GAB1: variants seen among roughly 807,000 people sequenced by gnomAD.
GAB1 encodes GRB2 associated binding protein 1.
GAB1 carries 19 observed loss-of-function variants against 66.5 expected under a neutral mutation model. The observed-to-expected ratio is 0.29, with a 90% CI of 0.20 to 0.42. The LOEUF is 0.42. Ranked by LOEUF, GAB1 falls within the 10% of genes least tolerant of loss-of-function variation. The pLI is 1.00. For missense variants in GAB1, 732 were observed against 858.5 expected, an observed-to-expected ratio of 0.85 and a Z score of 1.84; for synonymous variants, 294 against 301.4, an observed-to-expected ratio of 0.98 and a Z score of 0.25.
In GAB1 at chr4:143,466,141, C is replaced by A; in HGVS notation, c.1842C>A (p.Ser614Arg). ...GTAACAGTCTTGATGGAGGAAGCAG[C>A]CCTATGATCAAGCCCAAAGGAGACA... Reference protein sequence around the residue: ...FGSNSLDGGSSPMIKPKGDKQ... With the variant: ...FGSNSLDGGSRPMIKPKGDKQ... The change falls in exon 9 of 10, where the codon AGC becomes AGA. Residue 614 changes from serine (S) to arginine (R), a missense_variant. By Grantham distance (110) the Ser-to-Arg change is moderately radical (BLOSUM62 -1). Transcript: ENST00000262994. 1 of 1,613,652 alleles carries A rather than the reference C, an allele frequency of 6.2e-7. No homozygotes were observed. Among genetic ancestry groups the A allele is most frequent in the Non-Finnish European group, 8.5e-7 (1 of 1,179,684 alleles).
At chr4:143,373,645 A>G (rs1581240110) in intron 1 of GAB1, among the ~76,000 whole-genome samples, 1 of 151,950 alleles carries the variant, frequency 6.6e-6, no homozygotes, top group Non-Finnish European at 1.5e-5. Context: ...CCTGGGCAAC[A>G]TGGCAAAAAT....
intron 2 of GAB1, among the ~76,000 whole-genome samples, chr4:143,423,831 TATATATG>T: frequency 9.2e-6 from 1 of 108,836 alleles, no homozygotes; most frequent in African/African-American, 3.6e-5. Flanking sequence ...TATATATATA[TATATATG>T]TCTTCACGTG....
chr4:143,337,266 T>G lies in GAB1; in HGVS notation c.72+6T>G. On this transcript the variant is annotated splice_donor_region_variant and intron_variant, in intron 1 of 9. Coordinates refer to ENST00000262994, the MANE Select transcript of GAB1 (RefSeq NM_002039.4). The stretch of plus-strand genomic sequence containing the variant: ...AGAAAAAGTTGAAGCGTTATGTAAG[T>G]AGAGCTGCGGGCACCACTCCGCGGG... 1 of 1,571,604 alleles carries G rather than the reference T, an allele frequency of 6.4e-7. No homozygotes were observed. The highest frequency in any genetic ancestry group is 8.6e-7 in the Non-Finnish European group (1 of 1,157,398).
At chr4:143,446,733 A>G (rs200116907) in intron 6 of GAB1, among the ~76,000 whole-genome samples, 2,048 of 152,036 alleles carry the variant, frequency 0.013, 50 homozygotes, top group South Asian at 0.11. Flanking sequence ...ATTTTCTCCC[A>G]TTTTGTAAGT....
At position 143,439,887 on chromosome 4, in the gene GAB1, T is replaced by G; in HGVS notation, c.1281T>G (p.Phe427Leu). The part of the protein sequence containing the change: ...SSSLEGFHNH[F>L]KVKNVLTVGS... ...CACTTGAAGGCTTCCATAACCACTT[T>G]GTAAGTATAATTGACCTTGGCATCA... The change falls in exon 5 of 10, where the codon TTT (phenylalanine) becomes TTG (leucine). Residue 427 changes from phenylalanine to leucine, a missense_variant and splice_region_variant. Phe to Leu is a conservative substitution (Grantham distance 22, BLOSUM62 0). Around this residue, in one of 4 missense-constraint regions of GAB1, gnomAD observed 427 missense variants for 420.6 expected, o/e 1.02. Coordinates refer to ENST00000262994, the MANE Select transcript of GAB1 (RefSeq NM_002039.4). The G allele has an allele frequency of 1.9e-6, 3 of 1,605,254 alleles. No homozygotes were observed. Among genetic ancestry groups the G allele is most frequent in the Non-Finnish European group, 2.6e-6 (3 of 1,172,008 alleles).
chr4:143,371,759 TCTA>T (rs1196036476), intron 1 of GAB1, among the ~76,000 whole-genome samples: 1 of 152,200 alleles, frequency 6.6e-6, no homozygotes, highest in Non-Finnish European at 1.5e-5. Context: ...GTTTCAGCTT[TCTA>T]CATGTGGCTA....
intron 2 of GAB1, 66 bp downstream of exon 2, chr4:143,415,837 A>G: frequency 8.1e-7 from 1 of 1,241,456 alleles, no homozygotes; most frequent in Non-Finnish European, 1.1e-6. Context: ...GAAATGTCAT[A>G]CAATTCTTTG....
Position 143,440,464 on chromosome 4 carries a change from A to T in GAB1, c.1585+82A>T. 3 of 1,295,104 alleles carry T rather than the reference A, an allele frequency of 2.3e-6. No homozygotes were observed. The South Asian group carries it at 4.6e-5, about 20-fold the overall frequency. The allele number at this position is 1,295,104 out of a possible 1,614,324, so 80.2% of individuals were successfully genotyped here. On this transcript the variant is annotated intron_variant, in intron 6 of 9. Transcript: ENST00000262994. Reference sequence around the variant, plus strand: ...TAACTGCCATTAAATCCAAAATAGAATTTGGACTAGAAATTCTGAAATATT... The same window carrying T: ...TAACTGCCATTAAATCCAAAATAGATTTTGGACTAGAAATTCTGAAATATT...
At chr4:143,459,022 TTGG>T (rs1735346334) in intron 6 of GAB1, among the ~76,000 whole-genome samples, 3 of 152,220 alleles carry the variant, frequency 2.0e-5, no homozygotes, top group East Asian at 3.9e-4. Context: ...GAGTATGAAA[TTGG>T]TGAAATAATT....
At chr4:143,426,167 G>C (rs1733344827) in intron 2 of GAB1, among the ~76,000 whole-genome samples, 1 of 152,162 alleles carries the variant, frequency 6.6e-6, no homozygotes, top group Non-Finnish European at 1.5e-5. Context: ...TTTTGAACTT[G>C]ATTCATCTAG....
At chr4:143,343,295 C>A (rs961964758) in intron 1 of GAB1, among the ~76,000 whole-genome samples, 1 of 152,242 alleles carries the variant, frequency 6.6e-6, no homozygotes, top group East Asian at 1.9e-4. Context: ...CATAAATCTT[C>A]CTTGTGGGGA....
At chr4:143,379,824 G>T (rs1256308738) in intron 1 of GAB1, among the ~76,000 whole-genome samples, 1 of 151,874 alleles carries the variant, frequency 6.6e-6, no homozygotes, top group Admixed American at 6.6e-5. Flanking sequence ...CTGGGCTCAA[G>T]CTATCCTGCC....
At chr4:143,415,362 C>A (rs1732626792) in intron 1 of GAB1, 115 bp from the exon 2 acceptor site, 2 of 806,078 alleles carry the variant, frequency 2.5e-6, no homozygotes, top group Non-Finnish European at 3.8e-6. Flanking sequence ...CAAACACACA[C>A]ATATTGTGAC....
chr4:143,355,003 T>G (rs1729386892), intron 1 of GAB1, among the ~76,000 whole-genome samples: 1 of 152,170 alleles, frequency 6.6e-6, no homozygotes, highest in South Asian at 2.1e-4. Context: ...AACATCTGTT[T>G]GTTTTCAAAC....
chr4:143,373,868 A>AATAAATAAATATATATATATAT, intron 1 of GAB1, among the ~76,000 whole-genome samples: 106 of 93,676 alleles, frequency 1.1e-3, no homozygotes, highest in Admixed American at 1.6e-3. Context: ...TAAATAAATA[A>AATAAATAAATATATATATATAT]ATATATATAT....
intron 1 of GAB1, among the ~76,000 whole-genome samples, chr4:143,403,865 G>C (rs185935616): frequency 1.3e-4 from 20 of 152,238 alleles, no homozygotes; most frequent in Admixed American, 3.9e-4. Context: ...ACTTTTCATT[G>C]CCATATATCT....
intron 7 of GAB1, 99 bp from the exon 8 acceptor site, chr4:143,460,265 T>G: frequency 1.7e-6 from 2 of 1,159,478 alleles, no homozygotes; most frequent in South Asian, 1.3e-5. Context: ...TAAGGGAATA[T>G]TTCTGAAAGA....
At chr4:143,380,733 T>C (rs1054497839) in intron 1 of GAB1, 1 of 152,238 alleles carries the variant, frequency 6.6e-6, no homozygotes, top group Non-Finnish European at 1.5e-5. Context: ...CAGAATTCTT[T>C]TCAACAGTGA....
chr4:143,360,825 A>G (rs1729634861), intron 1 of GAB1, among the ~76,000 whole-genome samples: 1 of 152,240 alleles, frequency 6.6e-6, no homozygotes, highest in African/African-American at 2.4e-5. Flanking sequence ...GTGAACTTCT[A>G]TACAATTTAC....
Sources: gnomAD v4.1 joint callset for allele counts (sites outside exome capture counted in the v4.1 genomes callset) on GRCh38, gnomAD v4.1.1 for gene constraint, gnomAD v4.1.1 regional missense constraint, MANE v1.5 for transcripts, NCBI Gene and HGNC (gene_info 2026-07-23, HGNC 2026-07-21) for gene names.